PI4KA: variants seen among roughly 807,000 people sequenced by gnomAD.
PI4KA encodes the protein phosphatidylinositol 4-kinase alpha, also known as PI4-kinase alpha.
PI4KA carries 122 observed loss-of-function variants against 271.4 expected under a neutral mutation model. That is an observed-to-expected ratio of 0.45 (90% CI 0.39 to 0.52). The LOEUF is 0.52. Among genes scored for constraint, PI4KA ranks in the 20% least tolerant of loss-of-function variants. PI4KA has a pLI of 0.00. For missense variants in PI4KA, 1,969 were observed against 2,769.1 expected, an observed-to-expected ratio of 0.71 and a Z score of 6.48; for synonymous variants, 1,041 against 1,078.8, an observed-to-expected ratio of 0.96 and a Z score of 0.69.
At chr22:20,761,683 A>G (rs1178989047) in intron 22 of PI4KA, among the ~76,000 whole-genome samples, 1 of 152,236 alleles carries the variant, frequency 6.6e-6, no homozygotes, top group Non-Finnish European at 1.5e-5. Flanking sequence ...GCTCACCAAC[A>G]GGAGACTGGG....
intron 14 of PI4KA, among the ~76,000 whole-genome samples, chr22:20,801,210 GGAAAA>G (rs1384726221): frequency 6.6e-6 from 1 of 151,552 alleles, no homozygotes; most frequent in African/African-American, 2.4e-5. Context: ...TTTATGATCA[GGAAAA>G]GAAAAGAAGT....
intron 4 of PI4KA, 106 bp from the exon 5 acceptor site, chr22:20,820,717 C>A: frequency 2.6e-6 from 2 of 772,446 alleles, no homozygotes; most frequent in South Asian, 3.2e-5. Flanking sequence ...TCTTAACCAA[C>A]CCCATATATG....
At position 20,807,444 on chromosome 22, in the gene PI4KA, A is replaced by T; in HGVS notation, c.1086T>A (p.Ala362=). The T allele has an allele frequency of 6.2e-7, 1 of 1,611,602 alleles. No homozygotes were observed. Among genetic ancestry groups the T allele is most frequent in the South Asian group, 1.1e-5 (1 of 91,028 alleles). ...CACTGAAGGAAGTGTAGTAGAGATCAGCACTGGGGTTGGCCTGCAGGGAAG... is the reference window on the plus strand; with the variant it reads ...CACTGAAGGAAGTGTAGTAGAGATCTGCACTGGGGTTGGCCTGCAGGGAAG... ...VASVMEANPS[A]DLYYTSFSDP... Residue 362 remains alanine (A), a synonymous_variant, in exon 10 of 55, where the codon GCT becomes GCA. Transcript: ENST00000255882.
rs1935416123 is a variant in PI4KA, at chr22:20,803,004, AG to A, written c.1591+186del. 2.0e-5 allele frequency among the ~76,000 whole-genome samples: 3 copies of A among 152,284 alleles called. No individual in the cohort carries two copies. The South Asian group carries it at 6.2e-4, about 32-fold the overall frequency. On this transcript the variant is annotated intron_variant, in intron 13 of 54. Coordinates refer to ENST00000255882, the MANE Select transcript of PI4KA (RefSeq NM_058004.4). ...GACTTGAAGGGGCCTTTGGTGTAAC[AG>A]GAATACAGGATGAGAGAAGGCCGGG...
intron 23 of PI4KA, among the ~76,000 whole-genome samples, chr22:20,757,653 C>T (rs1338539258): frequency 2.0e-5 from 3 of 152,022 alleles, no homozygotes; most frequent in Admixed American, 6.6e-5. Flanking sequence ...AAGTGATTCT[C>T]CTGCCTTGGC....
chr22:20,751,313 C>T lies in PI4KA; in HGVS notation c.3133G>A (p.Asp1045Asn). ...CCTACCTCACGGGCTTCGTACGTGTCAGGAACCGTGATCCGGTAGGGGGCG... is the reference window on the plus strand; with the variant it reads ...CCTACCTCACGGGCTTCGTACGTGTTAGGAACCGTGATCCGGTAGGGGGCG... ...PDAPYRITVPDTYEARESIVK... is the reference protein window; with the variant it reads ...PDAPYRITVPNTYEARESIVK... Residue 1045 changes from aspartate to asparagine, a missense_variant, in exon 27 of 55, where the codon GAC becomes AAC. Asp to Asn is a conservative substitution (Grantham distance 23, BLOSUM62 1). Transcript: ENST00000255882. 6.2e-7 allele frequency: 1 copy of T among 1,614,018 alleles called. No individual in the cohort carries two copies. The highest frequency in any genetic ancestry group is 8.5e-7 in the Non-Finnish European group (1 of 1,179,934).
intron 11 of PI4KA, 59 bp downstream of exon 11, chr22:20,804,915 C>A: frequency 3.6e-6 from 5 of 1,402,898 alleles, no homozygotes; most frequent in South Asian, 2.6e-5. Flanking sequence ...AAACTTGTGG[C>A]AAGAAAGCCT....
intron 53 of PI4KA, 129 bp downstream of exon 53, chr22:20,709,779 G>T: frequency 3.1e-6 from 2 of 654,650 alleles, no homozygotes; most frequent in South Asian, 1.5e-5. Flanking sequence ...CAAGAACCCT[G>T]TCTGCTCTGA....
chr22:20,858,490 A>C, intron 1 of PI4KA, 80 bp downstream of exon 1: 1 of 1,075,030 alleles, frequency 9.3e-7, no homozygotes, highest in Non-Finnish European at 1.2e-6. Flanking sequence ...TCGGCCTCCC[A>C]CAGACCCTCG....
At chr22:20,727,600 C>T in intron 40 of PI4KA, 174 bp downstream of exon 40, 1 of 685,918 alleles carries the variant, frequency 1.5e-6, no homozygotes, top group Non-Finnish European at 2.5e-6. Context: ...CTACTGTGAA[C>T]AAAATAAATG....
At chr22:20,772,285 CTG>C (rs1271967190) in intron 19 of PI4KA, among the ~76,000 whole-genome samples, 2 of 152,194 alleles carry the variant, frequency 1.3e-5, no homozygotes, top group Non-Finnish European at 1.5e-5. Flanking sequence ...CAGCGGCCAC[CTG>C]CTGGTCTGCA....
In PI4KA at chr22:20,858,805, T is replaced by G; in HGVS notation, c.-80A>C. 3 of 1,359,818 alleles carry G rather than the reference T, an allele frequency of 2.2e-6. No homozygotes were observed. The highest frequency in any genetic ancestry group is 2.8e-6 in the Non-Finnish European group (3 of 1,055,976). 84.2% of individuals were successfully genotyped at this position (1,359,818 alleles called of 1,614,324 possible). ...CCCGACCTCAGGGCGCAGGCGTAGG[T>G]GCATCCGGCTTTCCCGCCACGTGAC... is the stretch of plus-strand genomic sequence containing the variant. On this transcript the variant is annotated 5_prime_UTR_variant, in exon 1 of 55. Coordinates refer to ENST00000255882, the MANE Select transcript of PI4KA (RefSeq NM_058004.4).
chr22:20,754,659 A>G (rs980946201), intron 23 of PI4KA, among the ~76,000 whole-genome samples: 48 of 152,108 alleles, frequency 3.2e-4, no homozygotes, highest in African/African-American at 1.1e-3. Flanking sequence ...CTACTTTTTA[A>G]AAAATGTTGG....
chr22:20,856,844 A>C (rs1239723130), intron 1 of PI4KA, among the ~76,000 whole-genome samples: 1 of 152,236 alleles, frequency 6.6e-6, no homozygotes, highest in African/African-American at 2.4e-5. Context: ...AATTGAGCTC[A>C]AGGTGCCCTT....
At chr22:20,727,886 G>A (rs1034836359) in intron 39 of PI4KA, 22 bp from the exon 40 acceptor site, 2 of 1,594,634 alleles carry the variant, frequency 1.3e-6, no homozygotes, top group Admixed American at 3.4e-5. Context: ...AGAGGGTATG[G>A]GTGGTGCTGC....
In PI4KA at chr22:20,808,328, G is replaced by A. The variant is rs549446327; in HGVS notation, c.1072-870C>T. ...AGGCTGGGTGCAGTGGCTCTCGCCT[G>A]TAATCCCAGCACTTTGGGAGGCCAA... On this transcript the variant is annotated intron_variant, in intron 9 of 54. Coordinates refer to ENST00000255882, the MANE Select transcript of PI4KA (RefSeq NM_058004.4). Among the ~76,000 whole-genome samples, 96 of 151,254 alleles carry A rather than the reference G, an allele frequency of 6.3e-4. 1 individual carries two copies. Among genetic ancestry groups the A allele is most frequent in the African/African-American group, 2.1e-3 (88 of 41,150 alleles).
chr22:20,714,426 G>A (rs764204164), intron 47 of PI4KA, 32 bp downstream of exon 47: 10 of 1,580,642 alleles, frequency 6.3e-6, no homozygotes, highest in South Asian at 5.7e-5. Context: ...AAAGCACTGA[G>A]CTCCCAAACA....
At chr22:20,731,606 CA>C (rs1928059751) in intron 36 of PI4KA, among the ~76,000 whole-genome samples, 1 of 152,000 alleles carries the variant, frequency 6.6e-6, no homozygotes, top group Non-Finnish European at 1.5e-5. Flanking sequence ...CCAGCCTGGC[CA>C]ATATGGTGAA....
In PI4KA at chr22:20,820,584, G is replaced by C. The variant is rs149603110; in HGVS notation, c.484C>G (p.His162Asp). The C allele has an allele frequency of 9.3e-5, 149 of 1,610,542 alleles. No homozygotes were observed. The highest frequency in any genetic ancestry group is 1.2e-4 in the Non-Finnish European group (141 of 1,177,676). Residue 162 changes from histidine to aspartate, a missense_variant, in exon 5 of 55, where the codon CAT (histidine) becomes GAT (aspartate). Transcript: ENST00000255882. ...GCCTGGCACATCCCCAAGAGGACAT[G>C]CAAAACCTGCAAAAGCACCTCTAAA... ...EILEVLLQVLHVLLGMCQALE... is the reference protein window; with the variant it reads ...EILEVLLQVLDVLLGMCQALE...
Sources: allele counts gnomAD v4.1 joint callset (sites outside exome capture counted in the v4.1 genomes callset), GRCh38; gene constraint gnomAD v4.1.1; transcripts MANE v1.5; gene names NCBI Gene and HGNC (gene_info 2026-07-23, HGNC 2026-07-21).